Variants in CRACR2A observed in about 807,000 individuals in gnomAD.
CRACR2A encodes the protein EF-hand calcium-binding domain-containing protein 4B.
Under a neutral mutation model 90.5 loss-of-function variants are expected in CRACR2A, and 79 were observed. The observed-to-expected ratio is 0.87, with a 90% CI of 0.73 to 1.05. CRACR2A has a LOEUF of 1.05. Among genes scored for constraint, CRACR2A ranks in the 50% least tolerant of loss-of-function variants. The pLI is 0.00. For missense variants in CRACR2A, 823 were observed against 897.2 expected, an observed-to-expected ratio of 0.92 and a Z score of 1.06; for synonymous variants, 338 against 356.7, an observed-to-expected ratio of 0.95 and a Z score of 0.59.
At position 3,648,589 on chromosome 12, in the gene CRACR2A, ACT is replaced by A; in HGVS notation, c.1069_1070del (p.Leu358ThrfsTer3). 1.2e-6 allele frequency: 2 copies of A among 1,613,826 alleles called. No homozygotes were observed. The highest frequency in any genetic ancestry group is 1.7e-6 in the Non-Finnish European group (2 of 1,179,952). On this transcript the variant is annotated frameshift_variant, in exon 11 of 20. Coordinates refer to ENST00000440314, the MANE Select transcript of CRACR2A (RefSeq NM_001144958.2). LOFTEE classifies it high-confidence loss of function. Reference sequence around the variant, plus strand: ...GGAGCCCGGCCTTCTCACGCTGTAGACTCTCCGTCACACGGTACACTTCCCTG... The same window carrying A: ...GGAGCCCGGCCTTCTCACGCTGTAGACTCCGTCACACGGTACACTTCCCTG... ...KEMEVYRVTE[S>X]LQREKAGLLK...
At chr12:3,627,048 G>A (rs993175263) in intron 17 of CRACR2A, among the ~76,000 whole-genome samples, 4 of 152,174 alleles carry the variant, frequency 2.6e-5, no homozygotes, top group Non-Finnish European at 5.9e-5. Context: ...ACGCTGGTGA[G>A]AATGAGGGAA....
chr12:3,721,654 A>G (rs141831496), intron 2 of CRACR2A, among the ~76,000 whole-genome samples: 567 of 152,236 alleles, frequency 3.7e-3, no homozygotes, highest in African/African-American at 0.012. Flanking sequence ...TAGTGGAGAT[A>G]AATGCATGTG....
At chr12:3,644,315 A>C (rs753762810) in intron 12 of CRACR2A, among the ~76,000 whole-genome samples, 6 of 152,164 alleles carry the variant, frequency 3.9e-5, no homozygotes, top group Non-Finnish European at 5.9e-5. Flanking sequence ...CATCTCATGG[A>C]TAGAACTATC....
chr12:3,642,500 C>T (rs11062749), intron 12 of CRACR2A, among the ~76,000 whole-genome samples: 1 of 152,046 alleles, frequency 6.6e-6, no homozygotes, highest in African/African-American at 2.4e-5. Flanking sequence ...CAGGAGTGAG[C>T]CACCACGCCT....
chr12:3,719,389 A>G (rs1946124608), intron 2 of CRACR2A, among the ~76,000 whole-genome samples: 1 of 152,094 alleles, frequency 6.6e-6, no homozygotes, highest in Admixed American at 6.5e-5. Context: ...GATCCTGTCC[A>G]TTTCATTTCT....
intron 2 of CRACR2A, among the ~76,000 whole-genome samples, chr12:3,716,104 C>T (rs1481939647): frequency 1.3e-5 from 2 of 151,040 alleles, no homozygotes; most frequent in Non-Finnish European, 2.9e-5. Flanking sequence ...AATGCTTTGG[C>T]TTTCTCATAA....
Position 3,654,236 on chromosome 12 carries a change from C to A in CRACR2A, c.1022G>T (p.Cys341Phe). 1 of 1,613,080 alleles carries A rather than the reference C, an allele frequency of 6.2e-7. No homozygotes were observed. Residue 341 changes from cysteine to phenylalanine, a missense_variant, in exon 10 of 20, where the codon TGC (cysteine) becomes TTC (phenylalanine). Coordinates refer to ENST00000440314, the MANE Select transcript of CRACR2A (RefSeq NM_001144958.2). Reference sequence around the variant, plus strand: ...CATCTCCTTCTCTTGGTGGAGTTTGCAGGCCTCTTGCTGGAGGCTTTCCAA... The same window carrying A: ...CATCTCCTTCTCTTGGTGGAGTTTGAAGGCCTCTTGCTGGAGGCTTTCCAA... The part of the protein sequence containing the change: ...QQLESLQQEA[C>F]KLHQEKEMEV...
intron 4 of CRACR2A, among the ~76,000 whole-genome samples, chr12:3,687,713 A>ATGGGAT (rs1945586004): frequency 6.6e-6 from 1 of 152,176 alleles, no homozygotes; most frequent in South Asian, 2.1e-4. Flanking sequence ...ATACCCAGTA[A>ATGGGAT]TGGGATTGCT....
intron 1 of CRACR2A, among the ~76,000 whole-genome samples, chr12:3,735,076 TAA>T (rs201859460): frequency 2.8e-4 from 37 of 133,676 alleles, no homozygotes; most frequent in African/African-American, 1.1e-3. Context: ...ACTAACTTTA[TAA>T]AAAAAATTTT....
At chr12:3,666,916 C>T (rs779605461) in intron 7 of CRACR2A, among the ~76,000 whole-genome samples, 19 of 152,302 alleles carry the variant, frequency 1.2e-4, no homozygotes, top group Admixed American at 2.0e-4. Context: ...TAAATGAAAG[C>T]GTAGGCTTGG....
chr12:3,663,478 T>G (rs951165173), intron 7 of CRACR2A, among the ~76,000 whole-genome samples: 3 of 152,208 alleles, frequency 2.0e-5, no homozygotes, highest in African/African-American at 7.2e-5. Flanking sequence ...GACCTTACTC[T>G]TCTTCTGCAT....
At chr12:3,667,428 C>G (rs1423869863) in intron 7 of CRACR2A, among the ~76,000 whole-genome samples, 1 of 152,214 alleles carries the variant, frequency 6.6e-6, no homozygotes, top group Non-Finnish European at 1.5e-5. Flanking sequence ...ATGGGGCCAA[C>G]AGTCCACACT....
At chr12:3,707,943 A>G (rs1945952961) in intron 3 of CRACR2A, among the ~76,000 whole-genome samples, 1 of 152,250 alleles carries the variant, frequency 6.6e-6, no homozygotes, top group African/African-American at 2.4e-5. Context: ...AGGAAGTTGC[A>G]TATGATGATG....
chr12:3,723,399 C>A (rs763230268), intron 2 of CRACR2A, among the ~76,000 whole-genome samples: 1 of 152,116 alleles, frequency 6.6e-6, no homozygotes, highest in Non-Finnish European at 1.5e-5. Context: ...TCCAGCCAAC[C>A]CTGGAAAACT....
At chr12:3,634,782 C>T (rs368966441) in intron 14 of CRACR2A, among the ~76,000 whole-genome samples, 159 of 152,168 alleles carry the variant, frequency 1.0e-3, no homozygotes, top group South Asian at 3.5e-3. Flanking sequence ...CCATTAACTG[C>T]CTTTTGGAGA....
Position 3,648,490 on chromosome 12 carries a change from C to A in CRACR2A, c.1118+52G>T, listed in dbSNP as rs1463814564. The A allele has an allele frequency of 3.7e-6, 6 of 1,613,702 alleles. No individual in the cohort carries two copies. The East Asian group carries it at 1.3e-4, about 36-fold the overall frequency. On this transcript the variant is annotated intron_variant, in intron 11 of 19. Coordinates refer to ENST00000440314, the MANE Select transcript of CRACR2A (RefSeq NM_001144958.2). ...ATGACCCTCAGACTGGTCCTTCCGA[C>A]CCCAGGCTTCTGGGAGGTGCTCTCA... is the stretch of plus-strand genomic sequence containing the variant.
chr12:3,640,841 G>A, intron 13 of CRACR2A: 1 of 1,298,056 alleles, frequency 7.7e-7, no homozygotes, highest in Non-Finnish European at 1.0e-6. Flanking sequence ...GTCTCTCAAT[G>A]AGCAATGAGC....
intron 17 of CRACR2A, among the ~76,000 whole-genome samples, chr12:3,622,927 T>C (rs1271534312): frequency 1.3e-5 from 2 of 152,184 alleles, no homozygotes; most frequent in Admixed American, 6.5e-5. Context: ...CAAACTGCTA[T>C]TTTTTGCACC....
chr12:3,643,882 A>G (rs1436567930), intron 12 of CRACR2A, among the ~76,000 whole-genome samples: 1 of 41,790 alleles, frequency 2.4e-5, no homozygotes, highest in Non-Finnish European at 4.4e-5. Context: ...ATATATATTT[A>G]TATTAATATA....
Sources: gnomAD v4.1 joint callset for allele counts (sites outside exome capture counted in the v4.1 genomes callset) on GRCh38, gnomAD v4.1.1 for gene constraint, MANE v1.5 for transcripts, NCBI Gene and HGNC (gene_info 2026-07-23, HGNC 2026-07-21) for gene names.